Variants in SOX6 observed in about 807,000 individuals in gnomAD.
SOX6 encodes transcription factor SOX-6.
In SOX6, 11 loss-of-function variants were observed where a neutral mutation model predicts 97.8. The ratio of observed to expected loss-of-function variants is 0.11; its 90% CI spans 0.07 to 0.19. SOX6 has a LOEUF of 0.19. Ranked by LOEUF, SOX6 falls within the 10% of genes least tolerant of loss-of-function variation. The pLI is 1.00. For synonymous variants in SOX6, 360 were observed against 371.4 expected, an observed-to-expected ratio of 0.97 and a Z score of 0.35; for missense variants, 810 against 1,039.5, an observed-to-expected ratio of 0.78 and a Z score of 3.04.
chr11:16,551,522 C>A (rs1847686140), intron 4 of SOX6, among the ~76,000 whole-genome samples: 1 of 152,024 alleles, frequency 6.6e-6, no homozygotes, highest in Admixed American at 6.6e-5. Context: ...GTGACACTCC[C>A]CTATTTGGTG....
At chr11:16,633,884 T>G (rs961498991) in intron 3 of SOX6, among the ~76,000 whole-genome samples, 1 of 152,210 alleles carries the variant, frequency 6.6e-6, no homozygotes. Context: ...CTAATTGCCT[T>G]ATAAAATAAA....
At chr11:16,278,355 T>C (rs945596546) in intron 3 of SOX6, among the ~76,000 whole-genome samples, 1 of 152,144 alleles carries the variant, frequency 6.6e-6, no homozygotes, top group Non-Finnish European at 1.5e-5. Flanking sequence ...CAAGGCATAA[T>C]TGCCTAATGA....
intron 9 of SOX6, among the ~76,000 whole-genome samples, chr11:16,073,252 T>C (rs1190629768): frequency 2.0e-5 from 3 of 151,568 alleles, no homozygotes; most frequent in Admixed American, 6.6e-5. Flanking sequence ...TGGAGAAAAA[T>C]CTACAAGGCA....
chr11:16,163,094 AAG>A (rs1376593145), intron 6 of SOX6, among the ~76,000 whole-genome samples: 1 of 152,168 alleles, frequency 6.6e-6, no homozygotes, highest in Non-Finnish European at 1.5e-5. Context: ...AGGATCAGAT[AAG>A]AGTATGAAAA....
At chr11:16,263,461 A>G (rs1853963453) in intron 3 of SOX6, among the ~76,000 whole-genome samples, 1 of 152,004 alleles carries the variant, frequency 6.6e-6, no homozygotes, top group Non-Finnish European at 1.5e-5. Context: ...GAACTATTGT[A>G]AGCCATTGAA....
At chr11:16,667,177 T>C (rs184315445) in intron 3 of SOX6, among the ~76,000 whole-genome samples, 58 of 151,110 alleles carry the variant, frequency 3.8e-4, no homozygotes, top group African/African-American at 1.2e-3. Context: ...AAGATGAAGT[T>C]TGCAGTGAAC....
intron 6 of SOX6, among the ~76,000 whole-genome samples, chr11:16,120,844 T>C (rs1849471736): frequency 6.6e-6 from 1 of 152,102 alleles, no homozygotes; most frequent in African/African-American, 2.4e-5. Flanking sequence ...CTATTTAAAA[T>C]CTACTTCACA....
intron 9 of SOX6, among the ~76,000 whole-genome samples, chr11:16,064,725 C>T (rs1848049894): frequency 6.6e-6 from 1 of 151,684 alleles, no homozygotes; most frequent in African/African-American, 2.4e-5. Context: ...ACAAATCAAT[C>T]AATGTGATAC....
chr11:16,132,943 T>C (rs1463943787), intron 6 of SOX6, among the ~76,000 whole-genome samples: 1 of 152,116 alleles, frequency 6.6e-6, no homozygotes, highest in African/African-American at 2.4e-5. Flanking sequence ...TTTTATTTCA[T>C]TGAACAGTAA....
intron 4 of SOX6, among the ~76,000 whole-genome samples, chr11:16,575,075 A>G (rs955931313): frequency 6.6e-6 from 1 of 152,036 alleles, no homozygotes; most frequent in Non-Finnish European, 1.5e-5. Flanking sequence ...GACCCAATAG[A>G]AAAATGGGCA....
intron 3 of SOX6, among the ~76,000 whole-genome samples, chr11:16,299,053 T>C (rs1440209267): frequency 6.6e-6 from 1 of 152,180 alleles, no homozygotes; most frequent in Non-Finnish European, 1.5e-5. Context: ...GTTAAATTAC[T>C]TTAAATTTCA....
At chr11:16,403,546 G>C (rs1858614816) in intron 1 of SOX6, among the ~76,000 whole-genome samples, 1 of 151,692 alleles carries the variant, frequency 6.6e-6, no homozygotes, top group African/African-American at 2.4e-5. Context: ...TGACCCCTGA[G>C]ATAAAAACAT....
chr11:16,195,299 C>T (rs1851741470), intron 4 of SOX6, among the ~76,000 whole-genome samples: 1 of 152,144 alleles, frequency 6.6e-6, no homozygotes, highest in African/African-American at 2.4e-5. Flanking sequence ...AATTTGAATT[C>T]ACATCTTCTG....
intron 7 of SOX6, among the ~76,000 whole-genome samples, chr11:16,102,213 A>T (rs1346277253): frequency 6.6e-6 from 1 of 151,938 alleles, no homozygotes; most frequent in Non-Finnish European, 1.5e-5. Flanking sequence ...TACACAACGT[A>T]GTGGCTCTGC....
At chr11:16,252,745 C>A (rs950910134) in intron 3 of SOX6, among the ~76,000 whole-genome samples, 1 of 152,082 alleles carries the variant, frequency 6.6e-6, no homozygotes, top group Non-Finnish European at 1.5e-5. Context: ...AAGGGAAATA[C>A]CCAACTCCAA....
At chr11:16,110,190 G>A (rs1335759918) in intron 7 of SOX6, 1 of 152,012 alleles carries the variant, frequency 6.6e-6, no homozygotes, top group African/African-American at 2.4e-5. Flanking sequence ...TTTGAAATGT[G>A]GATAAATTTA....
rs375271457 is a variant in SOX6, at chr11:16,234,554, G to A, written c.535+28C>T. ...CAAAATAACATCACATCACTGCATT[G>A]ACATGTTCGATATATTTTATGTTGT... is the stretch of plus-strand genomic sequence containing the variant. On this transcript the variant is annotated intron_variant, in intron 4 of 15. Coordinates refer to ENST00000683767, the MANE Select transcript of SOX6 (RefSeq NM_001367873.1). The A allele has an allele frequency of 2.9e-5, 38 of 1,295,126 alleles. No homozygotes were observed. The East Asian group carries it at 7.8e-4, about 27-fold the overall frequency. The allele number at this position is 1,295,126 out of a possible 1,614,324, so 80.2% of individuals were successfully genotyped here.
rs796573880 is a variant in SOX6 at position 16,327,942 on chromosome 11, C to T, written c.238-9289G>A. On this transcript the variant is annotated intron_variant, in intron 2 of 15. Transcript: ENST00000683767. ...GAACAGAATACTATTCACTTGTACC[C>T]TTTCCTGTATCCAGTAGCAAGAATG... 3.9e-5 allele frequency among the ~76,000 whole-genome samples: 6 copies of T among 152,138 alleles called. No homozygotes were observed. In the South Asian group the frequency reaches 8.3e-4, roughly 21 times the overall value.
upstream of SOX6, among the ~76,000 whole-genome samples, chr11:16,361,401 G>A (rs1857208478): frequency 6.6e-6 from 1 of 152,118 alleles, no homozygotes; most frequent in African/African-American, 2.4e-5. Context: ...TATAAACACT[G>A]GAAAAGATAG....
Sources: gnomAD v4.1 joint callset for allele counts (sites outside exome capture counted in the v4.1 genomes callset) on GRCh38, gnomAD v4.1.1 for gene constraint, MANE v1.5 for transcripts, NCBI Gene and HGNC (gene_info 2026-07-23, HGNC 2026-07-21) for gene names.